Variants in HIF1A observed in about 807,000 individuals in gnomAD.
HIF1A encodes the protein hypoxia inducible factor 1 subunit alpha, also known as hypoxia-inducible factor 1-alpha.
In HIF1A, 24 loss-of-function variants were observed where a neutral mutation model predicts 92.7. That is an observed-to-expected ratio of 0.26 (90% CI 0.19 to 0.36). HIF1A has a LOEUF of 0.36. HIF1A is among the 10% of genes least tolerant of loss of function. The probability of loss-of-function intolerance (pLI) is 1.00; values close to 1 mark genes in which losing one functional copy is unlikely to be tolerated. For synonymous variants in HIF1A, 319 were observed against 338.7 expected, an observed-to-expected ratio of 0.94 and a Z score of 0.64; for missense variants, 799 against 998.5, an observed-to-expected ratio of 0.80 and a Z score of 2.69.
intron 4 of HIF1A, among the ~76,000 whole-genome samples, chr14:61,724,349 T>TTCTCTCTCTCTCTCTC (rs147642291): frequency 0.071 from 6,834 of 95,902 alleles, 816 homozygotes; most frequent in Non-Finnish European, 0.099. Flanking sequence ...CACACACACA[T>TTCTCTCTCTCTCTCTC]TCTCTCTCTC....
intron 1 of HIF1A, among the ~76,000 whole-genome samples, chr14:61,701,957 C>T (rs1316458284): frequency 1.3e-5 from 2 of 151,930 alleles, no homozygotes; most frequent in African/African-American, 4.8e-5. Context: ...CATTGCACTC[C>T]AGCCTGGGTG....
At chr14:61,705,691 A>C (rs2140121513) in intron 1 of HIF1A, among the ~76,000 whole-genome samples, 1 of 152,324 alleles carries the variant, frequency 6.6e-6, no homozygotes, top group African/African-American at 2.4e-5. Context: ...TCTCAGGTGG[A>C]ATCTGAGATC....
At chr14:61,724,072 TAG>T (rs5809119) in intron 4 of HIF1A, among the ~76,000 whole-genome samples, 19,261 of 151,914 alleles carry the variant, frequency 0.13, 2,387 homozygotes, top group African/African-American at 0.33. Flanking sequence ...GACTTATTTT[TAG>T]AGAGTTTAAA....
At chr14:61,703,124 G>A (rs1433352931) in intron 1 of HIF1A, among the ~76,000 whole-genome samples, 3 of 152,162 alleles carry the variant, frequency 2.0e-5, no homozygotes, top group Non-Finnish European at 4.4e-5. Context: ...TTACAGGCGT[G>A]AGCCACCATG....
chr14:61,716,731 G>A (rs2044368732), intron 1 of HIF1A, among the ~76,000 whole-genome samples: 1 of 151,764 alleles, frequency 6.6e-6, no homozygotes, highest in African/African-American at 2.4e-5. Context: ...AGCTTAATAA[G>A]ACGGGCTCAA....
chr14:61,722,022 T>C (rs962024865), intron 4 of HIF1A, among the ~76,000 whole-genome samples, 199 bp downstream of exon 4: 1 of 152,088 alleles, frequency 6.6e-6, no homozygotes, highest in African/African-American at 2.4e-5. Flanking sequence ...ATTGCATAAA[T>C]AATTGTGTGG....
At chr14:61,732,602 A>C (rs1193415037) in intron 7 of HIF1A, 78 bp downstream of exon 7, 3 of 836,380 alleles carry the variant, frequency 3.6e-6, no homozygotes, top group African/African-American at 3.4e-5. Context: ...CTACCCATCT[A>C]ATTCTCTGGT....
intron 4 of HIF1A, 80 bp downstream of exon 4, chr14:61,721,903 C>A: frequency 2.0e-6 from 2 of 982,828 alleles, no homozygotes; most frequent in Non-Finnish European, 3.2e-6. Flanking sequence ...TTAAACTTTG[C>A]TATTGTACTT....
chr14:61,740,689 G>A (rs2044698616), intron 11 of HIF1A, 62 bp downstream of exon 11: 1 of 1,542,216 alleles, frequency 6.5e-7, no homozygotes, highest in Admixed American at 2.0e-5. Context: ...GTGACTTTGA[G>A]TTTCACTTGT....
chr14:61,735,017 T>C (rs966781674), intron 8 of HIF1A, among the ~76,000 whole-genome samples: 1 of 152,230 alleles, frequency 6.6e-6, no homozygotes, highest in African/African-American at 2.4e-5. Flanking sequence ...GTGAATATTA[T>C]GTACATCAAA....
chr14:61,700,426 T>C (rs1250990319), intron 1 of HIF1A, among the ~76,000 whole-genome samples: 1 of 152,232 alleles, frequency 6.6e-6, no homozygotes, highest in African/African-American at 2.4e-5. Flanking sequence ...GATGGGCTTA[T>C]TTCACTTTGT....
intron 4 of HIF1A, among the ~76,000 whole-genome samples, chr14:61,722,827 C>G (rs2044450173): frequency 6.6e-6 from 1 of 152,168 alleles, no homozygotes; most frequent in South Asian, 2.1e-4. Context: ...TAAAAATAAT[C>G]AAGTGTTCCA....
intron 4 of HIF1A, among the ~76,000 whole-genome samples, chr14:61,722,339 C>T (rs1001193807): frequency 6.6e-6 from 1 of 152,172 alleles, no homozygotes; most frequent in African/African-American, 2.4e-5. Flanking sequence ...CCTCTCACCT[C>T]GGCCTCTCAA....
chr14:61,708,691 G>A (rs892472089), intron 1 of HIF1A, among the ~76,000 whole-genome samples: 6 of 152,130 alleles, frequency 3.9e-5, no homozygotes, highest in Admixed American at 1.3e-4. Context: ...GTACCATGCT[G>A]TTTTGGTTAC....
In HIF1A at chr14:61,742,907, A is replaced by AAAAAAAAAAAAAG. The variant is rs71117851; in HGVS notation, c.2093+1719_2093+1720insAAAAAAAAAAAAG. Among the ~76,000 whole-genome samples, 9 of 105,940 alleles carry AAAAAAAAAAAAAG rather than the reference A, an allele frequency of 8.5e-5. 3 individuals carry two copies. The highest frequency in any genetic ancestry group is 9.0e-5 in the Non-Finnish European group (5 of 55,618). 69.5% of individuals were successfully genotyped at this position (105,940 alleles called of 152,430 possible). On this transcript the variant is annotated intron_variant, in intron 12 of 14. Coordinates refer to ENST00000337138, the MANE Select transcript of HIF1A (RefSeq NM_001530.4). ...TTTCAAAAAAAAAAAAAAAAAAAAA[A>AAAAAAAAAAAAAG]GTTGTTGGACTGACAGATGCATGAA... is the stretch of plus-strand genomic sequence containing the variant.
At chr14:61,735,072 C>A (rs907829102) in intron 8 of HIF1A, among the ~76,000 whole-genome samples, 2 of 152,230 alleles carry the variant, frequency 1.3e-5, no homozygotes, top group African/African-American at 4.8e-5. Context: ...CCTGCCCCAT[C>A]TAGTCTACCT....
intron 4 of HIF1A, among the ~76,000 whole-genome samples, chr14:61,724,459 C>T (rs1171029965): frequency 6.7e-6 from 1 of 148,588 alleles, no homozygotes; most frequent in East Asian, 2.1e-4. Flanking sequence ...TTAAATCCTT[C>T]CAGGGAGGGC....
intron 12 of HIF1A, 32 bp downstream of exon 12, chr14:61,741,220 T>C (rs758949766): frequency 7.0e-7 from 1 of 1,419,190 alleles, no homozygotes; most frequent in Non-Finnish European, 9.6e-7. Flanking sequence ...GTTATAGTTC[T>C]TTTATTATTT....
intron 1 of HIF1A, among the ~76,000 whole-genome samples, chr14:61,705,125 CTTTTGGAG>C (rs2044224129): frequency 6.6e-6 from 1 of 152,046 alleles, no homozygotes; most frequent in East Asian, 1.9e-4. Flanking sequence ...GTTCAGATCT[CTTTTGGAG>C]CAAAATAATC....
Sources: allele counts gnomAD v4.1 joint callset (sites outside exome capture counted in the v4.1 genomes callset), GRCh38; gene constraint gnomAD v4.1.1; transcripts MANE v1.5; gene names NCBI Gene and HGNC (gene_info 2026-07-23, HGNC 2026-07-21).